RETN: variants seen among roughly 807,000 people sequenced by gnomAD.
The protein encoded by RETN is resistin.
In RETN, 5 loss-of-function variants were observed where a neutral mutation model predicts 6.1. That is an observed-to-expected ratio of 0.82 (90% CI 0.43 to 1.73). The LOEUF (loss-of-function observed/expected upper bound fraction) is 1.73, where lower values mean the gene tolerates loss of function less well. Among genes scored for constraint, RETN ranks in the 40% most tolerant of loss-of-function variants. The pLI, the probability that RETN is intolerant of heterozygous loss-of-function variation, is 0.02. For missense variants in RETN, 168 were observed against 142.5 expected (o/e 1.18, Z -0.91); for synonymous variants, 62 against 59.2 (o/e 1.05, Z -0.22).
At position 7,670,424 on chromosome 19, in the gene RETN, A is replaced by C; in HGVS notation, c.*75A>C. On this transcript the variant is annotated 3_prime_UTR_variant, in exon 4 of 4. Coordinates refer to ENST00000221515, the MANE Select transcript of RETN (RefSeq NM_020415.4). ...GAGGGGTTGCGGGGGAGCTGGAAAT[A>C]AACCTGGAGATGATGATGATGATGA... 7.1e-7 allele frequency: 1 copy of C among 1,407,902 alleles called. No individual in the cohort carries two copies. The allele number at this position is 1,407,902 out of a possible 1,614,324, so 87.2% of individuals were successfully genotyped here.
chr19:7,669,123 T>G lies in RETN; in HGVS notation c.-11+2T>G, dbSNP rs1599417492. 1.9e-6 allele frequency: 1 copy of G among 526,510 alleles called. No homozygotes were observed. Among genetic ancestry groups the G allele is most frequent in the Admixed American group, 3.3e-5 (1 of 30,556 alleles). The allele number at this position is 526,510 out of a possible 1,614,324, so 32.6% of individuals were successfully genotyped here. A position where few individuals can be genotyped will look rare whatever the true frequency, so the allele number is the denominator to read the frequency against. On this transcript the variant is annotated splice_donor_variant, in intron 1 of 3. Transcript: ENST00000221515. LOFTEE classifies it low-confidence loss of function (5UTR_SPLICE). ...TGGTTAGCTGAGCCCACCGAGAGGGTAAGTGACAGCTGCTCCTGCGCTTGC... is the reference window on the plus strand; with the variant it reads ...TGGTTAGCTGAGCCCACCGAGAGGGGAAGTGACAGCTGCTCCTGCGCTTGC...
chr19:7,670,411 G>A lies in RETN; in HGVS notation c.*62G>A, dbSNP rs3745368. 0.042 allele frequency: 63,503 copies of A among 1,506,650 alleles called. 1,914 individuals are homozygous for A. The highest frequency in any genetic ancestry group is 0.13 in the African/African-American group (9,436 of 71,916). The allele number at this position is 1,506,650 out of a possible 1,614,324, so 93.3% of individuals were successfully genotyped here. On this transcript the variant is annotated 3_prime_UTR_variant, in exon 4 of 4. Coordinates refer to ENST00000221515, the MANE Select transcript of RETN (RefSeq NM_020415.4). ...GGCTCCAGGTCCGGAGGGGTTGCGGGGGAGCTGGAAATAAACCTGGAGATG... is the reference window on the plus strand; with the variant it reads ...GGCTCCAGGTCCGGAGGGGTTGCGGAGGAGCTGGAAATAAACCTGGAGATG...
chr19:7,669,776 T>C, intron 2 of RETN, 45 bp from the exon 3 acceptor site: 1 of 1,556,904 alleles, frequency 6.4e-7, no homozygotes, highest in Non-Finnish European at 8.9e-7. Context: ...GGAGGGACCG[T>C]TTGGTCTCAC....
chr19:7,669,643 C>T (rs375093039), intron 2 of RETN, among the ~76,000 whole-genome samples, 178 bp from the exon 3 acceptor site: 5 of 152,276 alleles, frequency 3.3e-5, no homozygotes, highest in South Asian at 4.1e-4. Flanking sequence ...ACCCAATCCC[C>T]GCTCTCACTC....
chr19:7,670,235 C>A lies in RETN; in HGVS notation c.213C>A (p.Gly71=), dbSNP rs766278181. The change falls in exon 4 of 4, where the codon GGC becomes GGA. Residue 71 remains glycine, a synonymous_variant. Coordinates refer to ENST00000221515, the MANE Select transcript of RETN (RefSeq NM_020415.4). The part of the protein sequence containing the change: ...ATCPRGFAVT[G]CTCGSACGSW... The stretch of plus-strand genomic sequence containing the variant: ...GGGCTGCAGGCTTCGCCGTCACCGG[C>A]TGCACTTGTGGCTCCGCCTGTGGCT... 7 of 1,604,748 alleles carry A rather than the reference C, an allele frequency of 4.4e-6. 1 individual carries two copies. The highest frequency in any genetic ancestry group is 3.3e-5 in the Admixed American group (2 of 59,814).
rs776285077 is a variant in RETN at position 7,670,316 on chromosome 19, G to C, written c.294G>C (p.Trp98Cys). The C allele has an allele frequency of 1.3e-6, 2 of 1,574,232 alleles. No homozygotes were observed. Among genetic ancestry groups the C allele is most frequent in the Non-Finnish European group, 1.7e-6 (2 of 1,165,264 alleles). The change falls in exon 4 of 4, where the codon TGG becomes TGC. Residue 98 changes from tryptophan (W) to cysteine (C), a missense_variant. By Grantham distance (215) the Trp-to-Cys change is radical. Coordinates refer to ENST00000221515, the MANE Select transcript of RETN (RefSeq NM_020415.4). ...TCHCQCAGMD[W>C]TGARCCRVQP ...ACTGCCAGTGCGCGGGCATGGACTG[G>C]ACCGGAGCGCGCTGCTGTCGTGTGC...
In RETN at chr19:7,669,810, C is replaced by T; in HGVS notation, c.119-11C>T. ...ACAGCTCCCCCTGTCTCCTTTCCTC[C>T]TGCCCCCCAGTATTTAGGGCAATAA... On this transcript the variant is annotated splice_polypyrimidine_tract_variant and intron_variant, in intron 2 of 3. Transcript: ENST00000221515. 6.2e-7 allele frequency: 1 copy of T among 1,613,472 alleles called. No individual in the cohort carries two copies. The highest frequency in any genetic ancestry group is 8.5e-7 in the Non-Finnish European group (1 of 1,179,442).
At chr19:7,669,927 C>T in intron 3 of RETN, 29 bp downstream of exon 3, 3 of 1,593,042 alleles carry the variant, frequency 1.9e-6, no homozygotes, top group Non-Finnish European at 2.6e-6. Flanking sequence ...TGTCCAGGCG[C>T]CCATTTCTGT....
chr19:7,669,958 C>G, intron 3 of RETN, 60 bp downstream of exon 3: 2 of 1,273,510 alleles, frequency 1.6e-6, no homozygotes, highest in Non-Finnish European at 2.3e-6. Context: ...CTGGGAATGC[C>G]CCCTCCCCGC....
Position 7,669,853 on chromosome 19 carries a change from T to C in RETN, c.151T>C (p.Cys51Arg), listed in dbSNP as rs1251014861. The C allele has an allele frequency of 1.9e-5, 30 of 1,613,832 alleles. No individual in the cohort carries two copies. Among genetic ancestry groups the C allele is most frequent in the Non-Finnish European group, 2.4e-5 (28 of 1,179,990 alleles). The change falls in exon 3 of 4, where the codon TGC becomes CGC. Residue 51 changes from cysteine to arginine, a missense_variant. Physicochemically the swap from Cys to Arg is radical, Grantham distance 180 (BLOSUM62 -3). Transcript: ENST00000221515. ...FRAISSIGLECQSVTSRGDLA... is the reference protein window; with the variant it reads ...FRAISSIGLERQSVTSRGDLA... ...GGCAATAAGCAGCATTGGCCTGGAG[T>C]GCCAGAGCGTCACCTCCAGGGGGGA...
In RETN at chr19:7,669,240, C is replaced by T. The variant is rs967798893; in HGVS notation, c.-10-77C>T. The T allele has an allele frequency of 2.9e-6, 3 of 1,026,086 alleles. No homozygotes were observed. In the African/African-American group the frequency reaches 4.7e-5, roughly 16 times the overall value. The allele number at this position is 1,026,086 out of a possible 1,614,324, so 63.6% of individuals were successfully genotyped here. A position where few individuals can be genotyped will look rare whatever the true frequency, so the allele number is the denominator to read the frequency against. ...AGGGGTCCAGGTCCAGGGGCAGATCCTACTCCCTCCATGGGCCGGATCTTC... is the reference window on the plus strand; with the variant it reads ...AGGGGTCCAGGTCCAGGGGCAGATCTTACTCCCTCCATGGGCCGGATCTTC... On this transcript the variant is annotated intron_variant, in intron 1 of 3. Coordinates refer to ENST00000221515, the MANE Select transcript of RETN (RefSeq NM_020415.4).
In RETN at chr19:7,670,451, GAT is replaced by G. The variant is rs1568478810; in HGVS notation, c.*103_*104del. ...ACCTGGAGATGATGATGATGATGAT[GAT>G]GATGATGATGGAGCGGATCTGAGCC... On this transcript the variant is annotated 3_prime_UTR_variant, in exon 4 of 4. Coordinates refer to ENST00000221515, the MANE Select transcript of RETN (RefSeq NM_020415.4). 1.6e-4 allele frequency: 204 copies of G among 1,279,140 alleles called. 3 individuals are homozygous for G. The highest frequency in any genetic ancestry group is 2.1e-4 in the Non-Finnish European group (193 of 934,330). 79.2% of individuals were successfully genotyped at this position (1,279,140 alleles called of 1,614,324 possible).
At chr19:7,670,154 C>T (rs1245356042) in intron 3 of RETN, 65 bp from the exon 4 acceptor site, 3 of 685,752 alleles carry the variant, frequency 4.4e-6, no homozygotes, top group Admixed American at 2.2e-5. Context: ...CGCTCCCCAC[C>T]CCCCTCCCGC....
At chr19:7,669,156 C>A in intron 1 of RETN, 35 bp downstream of exon 1, 1 of 626,496 alleles carries the variant, frequency 1.6e-6, no homozygotes, top group Non-Finnish European at 2.9e-6. Context: ...TGCCATGGCA[C>A]CAGCGGGGAG....
intron 1 of RETN, 63 bp from the exon 2 acceptor site, chr19:7,669,254 G>C: frequency 1.7e-6 from 2 of 1,164,066 alleles, no homozygotes; most frequent in Non-Finnish European, 2.6e-6. Flanking sequence ...TCCCTCCATG[G>C]GCCGGATCTT....
chr19:7,670,157 C>T lies in RETN; in HGVS notation c.197-62C>T. On this transcript the variant is annotated intron_variant, in intron 3 of 3. Coordinates refer to ENST00000221515, the MANE Select transcript of RETN (RefSeq NM_020415.4). ...AACCCCCCTCCGCGCTCCCCACCCC[C>T]CTCCCGCTCCCACCCTCAGCCTCCC... The T allele has an allele frequency of 2.4e-5, 21 of 861,122 alleles. 1 individual carries two copies. Among genetic ancestry groups the T allele is most frequent in the South Asian group, 1.3e-4 (9 of 69,874 alleles). 53.3% of individuals were successfully genotyped at this position (861,122 alleles called of 1,614,324 possible).
Position 7,669,875 on chromosome 19 carries a change from G to T in RETN, c.173G>T (p.Gly58Val). 1.2e-6 allele frequency: 2 copies of T among 1,614,100 alleles called. No individual in the cohort carries two copies. Among genetic ancestry groups the T allele is most frequent in the Non-Finnish European group, 1.7e-6 (2 of 1,179,996 alleles). Residue 58 changes from glycine (G) to valine (V), a missense_variant, in exon 3 of 4, where the codon GGG becomes GTG. By Grantham distance (109) the Gly-to-Val change is moderately radical. Coordinates refer to ENST00000221515, the MANE Select transcript of RETN (RefSeq NM_020415.4). ...GLECQSVTSR[G>V]DLATCPRGFA... ...GAGTGCCAGAGCGTCACCTCCAGGGGGGACCTGGCTACTTGCCCCCGAGGT... is the reference window on the plus strand; with the variant it reads ...GAGTGCCAGAGCGTCACCTCCAGGGTGGACCTGGCTACTTGCCCCCGAGGT...
Position 7,669,353 on chromosome 19 carries a change from C to G in RETN, c.27C>G (p.Leu9=), listed in dbSNP as rs2032451425. The change falls in exon 2 of 4, where the codon CTC becomes CTG. Residue 9 remains leucine, a synonymous_variant. Transcript: ENST00000221515. MKALCLLL[L]PVLGLLVSSK... The stretch of plus-strand genomic sequence containing the variant: ...TGAAAGCTCTCTGTCTCCTCCTCCT[C>G]CCTGTCCTGGGGCTGTTGGTGTCTA... The G allele has an allele frequency of 2.5e-6, 4 of 1,613,956 alleles. No individual in the cohort carries two copies. The East Asian group carries it at 6.7e-5, about 27-fold the overall frequency.
chr19:7,669,181 T>G, intron 1 of RETN, 60 bp downstream of exon 1: 4 of 683,742 alleles, frequency 5.9e-6, no homozygotes, highest in Non-Finnish European at 1.0e-5. Flanking sequence ...GGGTCAAGGC[T>G]GAGCCTCCAT....
Sources: gnomAD v4.1 joint callset for allele counts (sites outside exome capture counted in the v4.1 genomes callset) on GRCh38, gnomAD v4.1.1 for gene constraint, MANE v1.5 for transcripts, NCBI Gene and HGNC (gene_info 2026-07-23, HGNC 2026-07-21) for gene names.